The following B4GALT6 variants were observed in gnomAD, a reference collection of about 807,000 sequenced individuals.
The protein encoded by B4GALT6 is UDP-Gal:beta-GlcNAc beta-1,4-galactosyltransferase 6.
In B4GALT6, 14 loss-of-function variants were observed where a neutral mutation model predicts 46.3. The ratio of observed to expected loss-of-function variants is 0.30; its 90% CI spans 0.20 to 0.47. B4GALT6 has a LOEUF of 0.47. B4GALT6 is among the 20% of genes least tolerant of loss of function. The probability of loss-of-function intolerance (pLI) is 0.99; values close to 1 mark genes in which losing one functional copy is unlikely to be tolerated. For synonymous variants in B4GALT6, 168 were observed against 162.0 expected (o/e 1.04, Z -0.28); for missense variants, 386 against 480.1 (o/e 0.80, Z 1.83).
chr18:31,678,440 T>C (rs1419203397), intron 1 of B4GALT6, among the ~76,000 whole-genome samples: 1 of 150,770 alleles, frequency 6.6e-6, no homozygotes, highest in Non-Finnish European at 1.5e-5. Context: ...ACAGTATTCC[T>C]TCAAACTGAA....
chr18:31,714,685 C>T, the B4GALT6 span, among the ~76,000 whole-genome samples: 4 of 152,168 alleles, frequency 2.6e-5, no homozygotes, highest in South Asian at 2.1e-4. Context: ...AGTTTCTACC[C>T]CTGCCTTGGA....
At chr18:31,699,496 AC>A in the B4GALT6 span, among the ~76,000 whole-genome samples, 2 of 149,068 alleles carry the variant, frequency 1.3e-5, no homozygotes, top group Non-Finnish European at 3.0e-5. Context: ...CTGGTCTCAA[AC>A]TCCTGACCTC....
At chr18:31,686,282 C>T (rs550788465), upstream of B4GALT6, 1 of 152,276 alleles carries the variant, frequency 6.6e-6, no homozygotes, top group African/African-American at 2.4e-5. Flanking sequence ...ATGCGCATGC[C>T]ATAGATCGTC....
chr18:31,664,280 C>A (rs887631771), intron 2 of B4GALT6, among the ~76,000 whole-genome samples: 23 of 152,194 alleles, frequency 1.5e-4, no homozygotes, highest in African/African-American at 5.5e-4. Context: ...ATCCAACTTG[C>A]AGAGTTCTTT....
At chr18:31,721,749 T>G in the B4GALT6 span, among the ~76,000 whole-genome samples, 2 of 152,212 alleles carry the variant, frequency 1.3e-5, no homozygotes. Flanking sequence ...CCTACAAATT[T>G]CAGACTCAAG....
At chr18:31,721,925 G>C in the B4GALT6 span, among the ~76,000 whole-genome samples, 1 of 151,614 alleles carries the variant, frequency 6.6e-6, no homozygotes, top group South Asian at 2.1e-4. Context: ...TGTGGGTTCT[G>C]TTTCTCTGGA....
chr18:31,707,729 A>G, the B4GALT6 span, among the ~76,000 whole-genome samples: 1 of 152,200 alleles, frequency 6.6e-6, no homozygotes, highest in Non-Finnish European at 1.5e-5. Flanking sequence ...TGCATGGTTC[A>G]TAATAGACTC....
chr18:31,724,582 C>G, the B4GALT6 span: 9 of 1,059,080 alleles, frequency 8.5e-6, no homozygotes, highest in African/African-American at 3.4e-5. Flanking sequence ...TTCTTGGACA[C>G]GGATTCAGCT....
chr18:31,645,012 G>A (rs11660320), intron 4 of B4GALT6, among the ~76,000 whole-genome samples: 14,482 of 152,172 alleles, frequency 0.095, 746 homozygotes, highest in South Asian at 0.13. Flanking sequence ...AATCATTAGG[G>A]ACAGCTGCAG....
the B4GALT6 span, among the ~76,000 whole-genome samples, chr18:31,692,693 A>G: frequency 1.2e-4 from 18 of 152,242 alleles, no homozygotes; most frequent in Non-Finnish European, 2.5e-4. Flanking sequence ...TAGCTAACGC[A>G]TATGGATGAG....
Position 31,684,321 on chromosome 18 carries a change from G to A in B4GALT6, c.106C>T (p.Pro36Ser), listed in dbSNP as rs1318948558. 2 of 1,613,410 alleles carry A rather than the reference G, an allele frequency of 1.2e-6. No individual in the cohort carries two copies. The highest frequency in any genetic ancestry group is 1.3e-5 in the African/African-American group (1 of 74,854). ...SSCLYFIYVA[P>S]GIANTYLFMV... ...GTGTCTCGGTGCTTACCGATGCCTG[G>A]GGCCACATAGATGAAGTACAGACAG... is the stretch of plus-strand genomic sequence containing the variant. Residue 36 changes from proline (P) to serine (S), a missense_variant, in exon 1 of 9, where the codon CCA becomes TCA. Coordinates refer to ENST00000306851, the MANE Select transcript of B4GALT6 (RefSeq NM_004775.5).
chr18:31,699,660 C>G, the B4GALT6 span, among the ~76,000 whole-genome samples: 1 of 139,630 alleles, frequency 7.2e-6, no homozygotes, highest in Admixed American at 7.3e-5. Flanking sequence ...AAAAAAAAAC[C>G]TGCTATACGA....
the B4GALT6 span, among the ~76,000 whole-genome samples, chr18:31,709,597 GTGTGTGTATATA>G: frequency 1.7e-5 from 1 of 60,436 alleles, no homozygotes; most frequent in African/African-American, 4.4e-5. Flanking sequence ...GTGTGTGTGT[GTGTGTGTATATA>G]TATATCCTTC....
the B4GALT6 span, among the ~76,000 whole-genome samples, chr18:31,702,325 C>T: frequency 1.3e-5 from 2 of 152,134 alleles, no homozygotes; most frequent in Admixed American, 6.6e-5. Context: ...AAGATACAAG[C>T]ACAGGGATCT....
intron 4 of B4GALT6, among the ~76,000 whole-genome samples, chr18:31,645,116 G>A (rs543035651): frequency 2.0e-5 from 3 of 152,254 alleles, no homozygotes; most frequent in African/African-American, 7.2e-5. Context: ...TTTATTACCA[G>A]GAACTCAAAG....
chr18:31,623,649 A>G lies in B4GALT6; in HGVS notation c.*1965T>C, dbSNP rs2073647258. 1 of 152,344 alleles carries G rather than the reference A, an allele frequency of 6.6e-6. No homozygotes were observed. The highest frequency in any genetic ancestry group is 1.5e-5 in the Non-Finnish European group (1 of 67,842). The allele number at this position is 152,344 out of a possible 1,614,324, so 9.4% of individuals were successfully genotyped here. On this transcript the variant is annotated 3_prime_UTR_variant, in exon 9 of 9. Coordinates refer to ENST00000306851, the MANE Select transcript of B4GALT6 (RefSeq NM_004775.5). Reference sequence around the variant, plus strand: ...AATATCATAATTTTCAGAAGGTTTGATTTTTCGAGTACCATAAAAAAACTG... The same window carrying G: ...AATATCATAATTTTCAGAAGGTTTGGTTTTTCGAGTACCATAAAAAAACTG...
intron 3 of B4GALT6, among the ~76,000 whole-genome samples, chr18:31,651,784 T>C (rs960597208): frequency 6.6e-6 from 1 of 152,168 alleles, no homozygotes; most frequent in Non-Finnish European, 1.5e-5. Flanking sequence ...TCTTTTTCTT[T>C]TTTTGAGATG....
At chr18:31,709,430 C>CATATATAT in the B4GALT6 span, among the ~76,000 whole-genome samples, 1 of 121,626 alleles carries the variant, frequency 8.2e-6, no homozygotes, top group African/African-American at 4.1e-5. Flanking sequence ...TTCTGCAATT[C>CATATATAT]ATACATATAT....
chr18:31,686,294 C>G (rs1230283185), upstream of B4GALT6: 1 of 152,166 alleles, frequency 6.6e-6, no homozygotes, highest in Non-Finnish European at 1.5e-5. Flanking sequence ...TAGATCGTCC[C>G]TGAGATAATG....
Sources: gnomAD v4.1 joint callset for allele counts (sites outside exome capture counted in the v4.1 genomes callset) on GRCh38, gnomAD v4.1.1 for gene constraint, MANE v1.5 for transcripts, NCBI Gene and HGNC (gene_info 2026-07-23, HGNC 2026-07-21) for gene names.